The following SCGN variants were observed in gnomAD, a reference collection of about 807,000 sequenced individuals.
The protein encoded by SCGN is secretagogin.
In SCGN, 30 loss-of-function variants were observed where a neutral mutation model predicts 39.7. That is an observed-to-expected ratio of 0.76 (90% confidence interval 0.57 to 1.03). The LOEUF (loss-of-function observed/expected upper bound fraction) is 1.03, where lower values mean the gene tolerates loss of function less well. Ranked by LOEUF, SCGN falls within the 50% of genes least tolerant of loss-of-function variation. SCGN has a pLI of 0.00. For synonymous variants in SCGN, 106 were observed against 114.1 expected, an observed-to-expected ratio of 0.93 and a Z score of 0.45; for missense variants, 353 against 349.4, an observed-to-expected ratio of 1.01 and a Z score of -0.08.
At chr6:25,688,961 A>T (rs535547172) in intron 7 of SCGN, among the ~76,000 whole-genome samples, 110 of 152,206 alleles carry the variant, frequency 7.2e-4, no homozygotes, top group Non-Finnish European at 2.2e-4. Context: ...TTCCACTAAG[A>T]TGAACTTTTA....
At chr6:25,663,453 G>T (rs1760374682) in intron 3 of SCGN, among the ~76,000 whole-genome samples, 1 of 152,146 alleles carries the variant, frequency 6.6e-6, no homozygotes, top group African/African-American at 2.4e-5. Flanking sequence ...CAACATGGCA[G>T]TTATCATTTG....
At chr6:25,665,571 C>A (rs1444820482) in intron 4 of SCGN, among the ~76,000 whole-genome samples, 1 of 152,198 alleles carries the variant, frequency 6.6e-6, no homozygotes, top group Non-Finnish European at 1.5e-5. Flanking sequence ...TCTCTTACCG[C>A]TTTCCCTCTG....
At chr6:25,686,604 A>T (rs1270602740) in intron 7 of SCGN, among the ~76,000 whole-genome samples, 5 of 152,196 alleles carry the variant, frequency 3.3e-5, no homozygotes, top group South Asian at 2.1e-4. Flanking sequence ...CTAGACACTT[A>T]TCAGATGTAT....
At chr6:25,656,728 G>A (rs1760234480) in intron 2 of SCGN, among the ~76,000 whole-genome samples, 1 of 152,172 alleles carries the variant, frequency 6.6e-6, no homozygotes, top group Non-Finnish European at 1.5e-5. Flanking sequence ...AGGTCAAAGG[G>A]ATAGTCATGA....
intron 2 of SCGN, among the ~76,000 whole-genome samples, chr6:25,660,770 AG>A (rs1561760679): frequency 6.6e-6 from 1 of 152,218 alleles, no homozygotes; most frequent in South Asian, 2.1e-4. Context: ...ACCTCTTCTC[AG>A]CCCTTCTAAC....
chr6:25,689,437 A>G (rs1286802212), intron 8 of SCGN, 36 bp from the exon 9 acceptor site: 1 of 1,584,740 alleles, frequency 6.3e-7, no homozygotes, highest in Non-Finnish European at 8.7e-7. Context: ...GAATTGTCAC[A>G]TTGCTGGACT....
At chr6:25,676,830 T>C (rs1759569183) in intron 6 of SCGN, among the ~76,000 whole-genome samples, 1 of 152,204 alleles carries the variant, frequency 6.6e-6, no homozygotes, top group African/African-American at 2.4e-5. Context: ...AATCTTTGTT[T>C]GTTCAGTAAA....
At chr6:25,682,926 TG>T (rs534447216) in intron 7 of SCGN, among the ~76,000 whole-genome samples, 123 of 152,318 alleles carry the variant, frequency 8.1e-4, no homozygotes, top group African/African-American at 2.9e-3. Context: ...TCTCCTTTCT[TG>T]GCAGCTACCT....
At chr6:25,676,685 T>C (rs1349440820) in intron 6 of SCGN, among the ~76,000 whole-genome samples, 1 of 152,222 alleles carries the variant, frequency 6.6e-6, no homozygotes, top group Non-Finnish European at 1.5e-5. Context: ...ACTTAATTTT[T>C]CCTCCAGAGC....
intron 6 of SCGN, among the ~76,000 whole-genome samples, chr6:25,671,212 C>T (rs566214699): frequency 2.0e-5 from 3 of 152,262 alleles, no homozygotes; most frequent in South Asian, 4.1e-4. Context: ...CTATTGTTCA[C>T]GCAATTTTAT....
At chr6:25,655,629 T>C (rs1444621930) in intron 2 of SCGN, among the ~76,000 whole-genome samples, 1 of 152,064 alleles carries the variant, frequency 6.6e-6, no homozygotes, top group Admixed American at 6.6e-5. Context: ...ATCCTTAACC[T>C]AGTGCAAATC....
At chr6:25,689,381 C>T in intron 8 of SCGN, 92 bp from the exon 9 acceptor site, 2 of 1,291,434 alleles carry the variant, frequency 1.5e-6, no homozygotes, top group South Asian at 1.2e-5. Context: ...GTCATTGACT[C>T]AAAGTTTACA....
chr6:25,666,619 G>A (rs1173818226), intron 4 of SCGN, among the ~76,000 whole-genome samples: 1 of 152,004 alleles, frequency 6.6e-6, no homozygotes, highest in Non-Finnish European at 1.5e-5. Flanking sequence ...GAAAAACTCC[G>A]GTATTGAACA....
At position 25,661,621 on chromosome 6, in the gene SCGN, G is replaced by A; in HGVS notation, c.223G>A (p.Asp75Asn). ...QFMTTQDASK[D>N]GRIRMKELAG... Reference sequence around the variant, plus strand: ...TATGACTACCCAAGATGCCTCTAAAGATGGTCGCATTCGGATGAAAGAGGT... The same window carrying A: ...TATGACTACCCAAGATGCCTCTAAAAATGGTCGCATTCGGATGAAAGAGGT... The change falls in exon 3 of 11, where the codon GAT (aspartate) becomes AAT (asparagine). Residue 75 changes from aspartate (D) to asparagine (N), a missense_variant. By Grantham distance (23) the Asp-to-Asn change is conservative. Coordinates refer to ENST00000377961, the MANE Select transcript of SCGN (RefSeq NM_006998.4). 6.2e-7 allele frequency: 1 copy of A among 1,613,270 alleles called. No homozygotes were observed. The highest frequency in any genetic ancestry group is 8.5e-7 in the Non-Finnish European group (1 of 1,179,366).
intron 10 of SCGN, 32 bp from the exon 11 acceptor site, chr6:25,701,175 G>A: frequency 1.3e-6 from 2 of 1,591,788 alleles, no homozygotes; most frequent in Non-Finnish European, 1.7e-6. Flanking sequence ...CCATTGGCTT[G>A]CCTGTTAACA....
intron 3 of SCGN, among the ~76,000 whole-genome samples, chr6:25,664,134 T>G (rs1760389249): frequency 6.6e-6 from 1 of 152,186 alleles, no homozygotes; most frequent in Non-Finnish European, 1.5e-5. Flanking sequence ...AGGGAGTGCA[T>G]GAAGTAAATC....
intron 6 of SCGN, among the ~76,000 whole-genome samples, chr6:25,681,157 A>G (rs1759632797): frequency 1.3e-5 from 2 of 152,206 alleles, no homozygotes; most frequent in Admixed American, 1.3e-4. Context: ...TTTTAGTCCT[A>G]TCTTGTTTAA....
At chr6:25,663,126 T>C (rs756404155) in intron 3 of SCGN, among the ~76,000 whole-genome samples, 28 of 152,214 alleles carry the variant, frequency 1.8e-4, no homozygotes, top group Non-Finnish European at 3.2e-4. Flanking sequence ...CCAAGGCGCC[T>C]TAAAACGCAA....
chr6:25,687,532 A>G (rs1047045776), intron 7 of SCGN, among the ~76,000 whole-genome samples: 39 of 152,130 alleles, frequency 2.6e-4, no homozygotes, highest in African/African-American at 8.9e-4. Context: ...TTAATCTGGT[A>G]TTCTGCCAAC....
Sources: gnomAD v4.1 joint callset for allele counts (sites outside exome capture counted in the v4.1 genomes callset) on GRCh38, gnomAD v4.1.1 for gene constraint, MANE v1.5 for transcripts, NCBI Gene and HGNC (gene_info 2026-07-23, HGNC 2026-07-21) for gene names.